SENP6: variants seen among roughly 807,000 people sequenced by gnomAD.
SENP6 encodes the protein sentrin-specific protease 6.
A neutral mutation model predicts 134.5 loss-of-function variants in SENP6; 41 were observed. The observed-to-expected ratio is 0.30, with a 90% CI of 0.24 to 0.40. SENP6 has a LOEUF of 0.40. Among genes scored for constraint, SENP6 ranks in the 10% least tolerant of loss-of-function variants. The pLI is 1.00. For missense variants in SENP6, 1,248 were observed against 1,312.5 expected, an observed-to-expected ratio of 0.95 and a Z score of 0.76; for synonymous variants, 395 against 429.8, an observed-to-expected ratio of 0.92 and a Z score of 1.00.
intron 16 of SENP6, among the ~76,000 whole-genome samples, chr6:75,685,256 T>G (rs1364492230): frequency 6.6e-6 from 1 of 152,218 alleles, no homozygotes; most frequent in Non-Finnish European, 1.5e-5. Context: ...TTATCATTTT[T>G]TATGGCATCT....
rs534205943 is a variant in SENP6 at position 75,717,121 on chromosome 6, A to C, written c.*1527A>C. The C allele has an allele frequency of 3.3e-5, 5 of 152,184 alleles. No homozygotes were observed. The highest frequency in any genetic ancestry group is 1.2e-4 in the African/African-American group (5 of 41,592). The allele number at this position is 152,184 out of a possible 1,614,324, so 9.4% of individuals were successfully genotyped here. Reference sequence around the variant, plus strand: ...AGTAATAACTTAGAGCTGTTAGCTCAGATATCTTAATTAGCTCATATGAAA... The same window carrying C: ...AGTAATAACTTAGAGCTGTTAGCTCCGATATCTTAATTAGCTCATATGAAA... On this transcript the variant is annotated 3_prime_UTR_variant, in exon 24 of 24. Coordinates refer to ENST00000447266, the MANE Select transcript of SENP6 (RefSeq NM_015571.4).
intron 14 of SENP6, chr6:75,677,807 A>G (rs1206677049): frequency 6.6e-6 from 1 of 152,428 alleles, no homozygotes; most frequent in Non-Finnish European, 1.5e-5. Flanking sequence ...CACATAGTAT[A>G]ATGGTAAATA....
At position 75,695,847 on chromosome 6, in the gene SENP6, A is replaced by G. The variant is rs2149894855; in HGVS notation, c.2119A>G (p.Ile707Val). The change falls in exon 17 of 24, where the codon ATT (isoleucine) becomes GTT (valine). Residue 707 changes from isoleucine (I) to valine (V), a missense_variant. By Grantham distance (29) the Ile-to-Val change is conservative. Transcript: ENST00000447266. ...EKLKKEDADR[I>V]HIFSSFFYKR... The stretch of plus-strand genomic sequence containing the variant: ...ACTGAAGAAGGAAGACGCTGACCGA[A>G]TTCATATATTCAGTTCTTTTTTCTA... 1 of 1,605,102 alleles carries G rather than the reference A, an allele frequency of 6.2e-7. No homozygotes were observed. Among genetic ancestry groups the G allele is most frequent in the South Asian group, 1.1e-5 (1 of 88,710 alleles).
chr6:75,619,445 ATGTG>A (rs61131437), intron 1 of SENP6, among the ~76,000 whole-genome samples: 28,794 of 148,886 alleles, frequency 0.19, 3,137 homozygotes, highest in African/African-American at 0.31. Flanking sequence ...CGTTGTGTCT[ATGTG>A]TGTGTGTGTG....
intron 16 of SENP6, among the ~76,000 whole-genome samples, chr6:75,694,796 A>T (rs775903970): frequency 6.6e-6 from 1 of 152,018 alleles, no homozygotes; most frequent in Non-Finnish European, 1.5e-5. Context: ...CATTTTTCTT[A>T]TGCTTTTGGG....
intron 16 of SENP6, among the ~76,000 whole-genome samples, chr6:75,680,308 A>G (rs147957854): frequency 3.3e-5 from 5 of 152,332 alleles, no homozygotes; most frequent in African/African-American, 9.6e-5. Flanking sequence ...GTTCCCTTTT[A>G]GAGGTCTGTG....
intron 19 of SENP6, among the ~76,000 whole-genome samples, chr6:75,706,025 C>A (rs1176122628): frequency 6.8e-6 from 1 of 147,998 alleles, no homozygotes; most frequent in African/African-American, 2.5e-5. Flanking sequence ...CAACCTCCCC[C>A]TCCTGGGTTC....
chr6:75,708,101 C>T (rs187313045), intron 19 of SENP6, among the ~76,000 whole-genome samples: 2 of 152,272 alleles, frequency 1.3e-5, no homozygotes, highest in East Asian at 3.9e-4. Flanking sequence ...GCTCTATCAC[C>T]CAGGTCGGAG....
At chr6:75,622,525 C>CT (rs1376990747) in intron 2 of SENP6, among the ~76,000 whole-genome samples, 2 of 152,340 alleles carry the variant, frequency 1.3e-5, no homozygotes, top group Non-Finnish European at 1.5e-5. Flanking sequence ...TGCCATTGCA[C>CT]TCCAGCCTGG....
chr6:75,627,405 A>G lies in SENP6; in HGVS notation c.207+3445A>G, dbSNP rs528052661. 3.9e-5 allele frequency among the ~76,000 whole-genome samples: 6 copies of G among 152,172 alleles called. No individual in the cohort carries two copies. In the East Asian group the frequency reaches 7.7e-4, roughly 20 times the overall value. The stretch of plus-strand genomic sequence containing the variant: ...TGACATCTGGATTTCCTGAAGTGCT[A>G]TTTTTTAGGTGTTTTTTAGATAGAC... On this transcript the variant is annotated intron_variant, in intron 3 of 23. Coordinates refer to ENST00000447266, the MANE Select transcript of SENP6 (RefSeq NM_015571.4).
At chr6:75,639,363 ATTC>A (rs1244467910) in intron 5 of SENP6, among the ~76,000 whole-genome samples, 4 of 152,046 alleles carry the variant, frequency 2.6e-5, no homozygotes, top group Admixed American at 6.5e-5. Flanking sequence ...CATTTATAAT[ATTC>A]TTTTCCTTTT....
intron 3 of SENP6, among the ~76,000 whole-genome samples, chr6:75,632,638 AT>A (rs1314416049): frequency 6.6e-6 from 1 of 152,120 alleles, no homozygotes; most frequent in East Asian, 1.9e-4. Flanking sequence ...GAACAAATGG[AT>A]TCATCTATTC....
At chr6:75,688,723 C>A (rs1371060030) in intron 16 of SENP6, among the ~76,000 whole-genome samples, 2 of 151,952 alleles carry the variant, frequency 1.3e-5, no homozygotes, top group Admixed American at 6.6e-5. Flanking sequence ...AGTTGGAGAC[C>A]CAGCCTGTGC....
At position 75,617,263 on chromosome 6, in the gene SENP6, C is replaced by CTTTTTTTTTTT. The variant is rs71002751; in HGVS notation, c.53-4252_53-4242dup. 8.6e-5 allele frequency among the ~76,000 whole-genome samples: 5 copies of CTTTTTTTTTTT among 58,092 alleles called. 1 individual carries two copies. The highest frequency in any genetic ancestry group is 2.3e-4 in the Admixed American group (1 of 4,350). 38.1% of individuals were successfully genotyped at this position (58,092 alleles called of 152,430 possible). On this transcript the variant is annotated intron_variant, in intron 1 of 23. Transcript: ENST00000447266. ...GATGGTTTGGAGAATTTCTTTCTTT[C>CTTTTTTTTTTT]TTTTTTTTTTTTTTTTTTTTTTTTT...
chr6:75,690,831 G>A lies in SENP6; in HGVS notation c.2076-4973G>A, dbSNP rs530668914. 3.8e-3 allele frequency among the ~76,000 whole-genome samples: 579 copies of A among 151,796 alleles called. 2 individuals carry two copies. Among genetic ancestry groups the A allele is most frequent in the Non-Finnish European group, 5.7e-3 (385 of 67,906 alleles). ...CTGCCTCAGCCTCCTGAGTAGCTGG[G>A]ACTACAGGCGCTCACCACCACACCT... On this transcript the variant is annotated intron_variant, in intron 16 of 23. Transcript: ENST00000447266.
At position 75,715,851 on chromosome 6, in the gene SENP6, T is replaced by C; in HGVS notation, c.*257T>C. 4.0e-6 allele frequency: 1 copy of C among 250,344 alleles called. No individual in the cohort carries two copies. Among genetic ancestry groups the C allele is most frequent in the Non-Finnish European group, 7.6e-6 (1 of 131,666 alleles). The allele number at this position is 250,344 out of a possible 1,614,324, so 15.5% of individuals were successfully genotyped here. The stretch of plus-strand genomic sequence containing the variant: ...GCTTTTGTTATGTATTTTCTGTTAA[T>C]AGTACCTAAAATTGCAACTTCTAAA... On this transcript the variant is annotated 3_prime_UTR_variant, in exon 24 of 24. Coordinates refer to ENST00000447266, the MANE Select transcript of SENP6 (RefSeq NM_015571.4).
chr6:75,621,599 A>G lies in SENP6; in HGVS notation c.120A>G (p.Glu40=), dbSNP rs748909335. The G allele has an allele frequency of 7.5e-6, 12 of 1,609,292 alleles. No homozygotes were observed. In the East Asian group the frequency reaches 2.7e-4, roughly 36 times the overall value. ...ATAATTGGAGCTTTGATCATGAAGA[A>G]GAAAGTGAAGGAGATACAGATAAAG... The part of the protein sequence containing the change: ...FKNNWSFDHE[E]ESEGDTDKDG... Residue 40 remains glutamate (E), a synonymous_variant, in exon 2 of 24, where the codon GAA becomes GAG. Transcript: ENST00000447266.
intron 9 of SENP6, among the ~76,000 whole-genome samples, chr6:75,666,235 T>C (rs1772229867): frequency 8.5e-6 from 1 of 117,258 alleles, no homozygotes; most frequent in South Asian, 2.7e-4. Flanking sequence ...ATATAAAATA[T>C]GATATATAAA....
chr6:75,706,978 C>T (rs928816699), intron 19 of SENP6, among the ~76,000 whole-genome samples: 28 of 152,316 alleles, frequency 1.8e-4, no homozygotes, highest in African/African-American at 6.5e-4. Context: ...TTCACATGGT[C>T]TCCTTATATG....
Sources: allele counts gnomAD v4.1 joint callset (sites outside exome capture counted in the v4.1 genomes callset), GRCh38; gene constraint gnomAD v4.1.1; transcripts MANE v1.5; gene names NCBI Gene and HGNC (gene_info 2026-07-23, HGNC 2026-07-21).